CCSER1: variants seen among roughly 807,000 people sequenced by gnomAD.
The protein encoded by CCSER1 is coiled-coil serine rich protein 1, also known as serine-rich coiled-coil domain-containing protein 1.
A neutral mutation model predicts 82.0 loss-of-function variants in CCSER1; 41 were observed. That is an observed-to-expected ratio of 0.50 (90% confidence interval 0.39 to 0.65). The LOEUF is 0.65. Among genes scored for constraint, CCSER1 ranks in the 30% least tolerant of loss-of-function variants. The pLI, the probability that CCSER1 is intolerant of heterozygous loss-of-function variation, is 0.00. For synonymous variants in CCSER1, 414 were observed against 383.9 expected (o/e 1.08, Z -0.92); for missense variants, 1,119 against 1,064.2 (o/e 1.05, Z -0.72).
intron 5 of CCSER1, among the ~76,000 whole-genome samples, chr4:90,624,528 ACAG>A (rs1459735449): frequency 6.6e-6 from 1 of 152,204 alleles, no homozygotes; most frequent in Non-Finnish European, 1.5e-5. Flanking sequence ...CGAGAGAATT[ACAG>A]CAGAACTTTT....
At chr4:90,872,642 A>C (rs558332519) in intron 8 of CCSER1, among the ~76,000 whole-genome samples, 12 of 152,134 alleles carry the variant, frequency 7.9e-5, no homozygotes, top group African/African-American at 2.9e-4. Context: ...AGCTATCAGT[A>C]GTATACATCC....
chr4:90,181,736 G>A (rs1733766372), intron 1 of CCSER1, among the ~76,000 whole-genome samples: 1 of 152,114 alleles, frequency 6.6e-6, no homozygotes, highest in South Asian at 2.1e-4. Context: ...GATGTGAATT[G>A]GCAGACCCAG....
intron 10 of CCSER1, among the ~76,000 whole-genome samples, chr4:91,110,832 ATCAT>A (rs1266009892): frequency 2.0e-5 from 3 of 151,846 alleles, no homozygotes; most frequent in South Asian, 2.1e-4. Context: ...GCATACATAG[ATCAT>A]TCATTCTTCT....
intron 10 of CCSER1, among the ~76,000 whole-genome samples, chr4:91,245,853 C>A (rs182159328): frequency 1.3e-5 from 2 of 152,142 alleles, no homozygotes; most frequent in South Asian, 4.1e-4. Flanking sequence ...TGTGCCACGA[C>A]GTCCGGTTAG....
At chr4:90,690,612 C>A (rs540850240) in intron 6 of CCSER1, among the ~76,000 whole-genome samples, 2 of 152,186 alleles carry the variant, frequency 1.3e-5, no homozygotes, top group Admixed American at 6.6e-5. Flanking sequence ...ATTTCCTCAT[C>A]TTTTCTTCCA....
In CCSER1 at chr4:91,264,176, A is replaced by G. The variant is rs146614729; in HGVS notation, c.2217+178182A>G. Among the ~76,000 whole-genome samples, 1,258 of 151,926 alleles carry G rather than the reference A, an allele frequency of 8.3e-3. 21 individuals carry two copies. The highest frequency in any genetic ancestry group is 0.029 in the African/African-American group (1,187 of 41,508). On this transcript the variant is annotated intron_variant, in intron 10 of 10. Coordinates refer to ENST00000509176, the MANE Select transcript of CCSER1 (RefSeq NM_001145065.2). The stretch of plus-strand genomic sequence containing the variant: ...GCACTTTTATATTGCATGAATGACT[A>G]TCTTCCTCAGGAGAGCACAAATTAA...
chr4:91,132,909 A>C (rs1368621136), intron 10 of CCSER1, among the ~76,000 whole-genome samples: 1 of 152,206 alleles, frequency 6.6e-6, no homozygotes, highest in Non-Finnish European at 1.5e-5. Flanking sequence ...AAGCAATATG[A>C]AATATTTACC....
At chr4:90,398,414 T>G (rs1752348796) in intron 3 of CCSER1, among the ~76,000 whole-genome samples, 1 of 152,238 alleles carries the variant, frequency 6.6e-6, no homozygotes, top group Non-Finnish European at 1.5e-5. Flanking sequence ...TTAGTATCCT[T>G]TCACTATAAA....
chr4:90,715,620 T>G (rs1018758014), intron 6 of CCSER1, among the ~76,000 whole-genome samples: 6 of 152,048 alleles, frequency 3.9e-5, no homozygotes. Flanking sequence ...AAAAAGCTGC[T>G]TTCTGTCCTC....
At chr4:91,105,211 G>T (rs1204709984) in intron 10 of CCSER1, among the ~76,000 whole-genome samples, 1 of 151,416 alleles carries the variant, frequency 6.6e-6, no homozygotes, top group African/African-American at 2.5e-5. Context: ...CACATTAGGA[G>T]GTCCTGGGGG....
chr4:91,103,479 A>G (rs1459836500), intron 10 of CCSER1, among the ~76,000 whole-genome samples: 1 of 152,230 alleles, frequency 6.6e-6, no homozygotes, highest in African/African-American at 2.4e-5. Flanking sequence ...AAACTATTAT[A>G]TAAACAATTG....
intron 9 of CCSER1, among the ~76,000 whole-genome samples, chr4:90,972,091 T>C (rs1046284342): frequency 2.6e-5 from 4 of 151,748 alleles, no homozygotes; most frequent in Non-Finnish European, 5.9e-5. Context: ...GACAAAGGTT[T>C]CTACTCTTAC....
intron 10 of CCSER1, among the ~76,000 whole-genome samples, chr4:91,259,194 G>A (rs1740913891): frequency 6.6e-6 from 1 of 152,150 alleles, no homozygotes; most frequent in African/African-American, 2.4e-5. Context: ...TGCTCCATAT[G>A]AAAGTTGCCT....
intron 1 of CCSER1, among the ~76,000 whole-genome samples, chr4:90,224,036 T>C (rs553896633): frequency 6.6e-6 from 1 of 152,352 alleles, no homozygotes; most frequent in Admixed American, 6.5e-5. Context: ...CTAATGTAAG[T>C]GCATATTGCC....
rs1739105908 is a variant in CCSER1, at chr4:90,705,306, A to T, written c.1933-18608A>T. Among the ~76,000 whole-genome samples, 3 of 152,292 alleles carry T rather than the reference A, an allele frequency of 2.0e-5. No individual in the cohort carries two copies. The South Asian group carries it at 6.2e-4, about 32-fold the overall frequency. ...AACAGCAAATATTGCTGAACAGCAA[A>T]TGTTGCTGTCTGATTGTTCCTGTGG... is the stretch of plus-strand genomic sequence containing the variant. On this transcript the variant is annotated intron_variant, in intron 6 of 10. Transcript: ENST00000509176.
At position 90,324,731 on chromosome 4, in the gene CCSER1, A is replaced by G. The variant is rs531368589; in HGVS notation, c.1509+11684A>G. On this transcript the variant is annotated intron_variant, in intron 3 of 10. Transcript: ENST00000509176. ...TGCCGTTGCTTTTGGTGTTTTAGAC[A>G]TGAAGTCCTTGCCCATGCCTACATC... is the stretch of plus-strand genomic sequence containing the variant. Among the ~76,000 whole-genome samples the G allele has an allele frequency of 2.4e-4, 36 of 152,322 alleles. No individual in the cohort carries two copies. In the East Asian group the frequency reaches 7.0e-3, roughly 29 times the overall value.
At chr4:91,226,544 T>C (rs1416951952) in intron 10 of CCSER1, among the ~76,000 whole-genome samples, 1 of 151,894 alleles carries the variant, frequency 6.6e-6, no homozygotes, top group Non-Finnish European at 1.5e-5. Flanking sequence ...AATGGATAAA[T>C]CTAAAGACAT....
At chr4:91,473,521 C>A (rs1757401277) in intron 10 of CCSER1, among the ~76,000 whole-genome samples, 2 of 152,082 alleles carry the variant, frequency 1.3e-5, no homozygotes, top group South Asian at 4.1e-4. Flanking sequence ...CCTGGAAGAA[C>A]AGGGTTTTTG....
intron 10 of CCSER1, among the ~76,000 whole-genome samples, chr4:91,139,265 T>A (rs940886625): frequency 7.2e-6 from 1 of 138,710 alleles, no homozygotes; most frequent in Non-Finnish European, 1.5e-5. Context: ...ATGTACCACA[T>A]TTTTTTTTTA....
Sources: allele counts gnomAD v4.1 joint callset (sites outside exome capture counted in the v4.1 genomes callset), GRCh38; gene constraint gnomAD v4.1.1; transcripts MANE v1.5; gene names NCBI Gene and HGNC (gene_info 2026-07-23, HGNC 2026-07-21).